The following CNTN4 variants were observed in gnomAD, a reference collection of about 807,000 sequenced individuals.
CNTN4 encodes contactin-4.
CNTN4 carries 77 observed loss-of-function variants against 122.5 expected under a neutral mutation model. The ratio of observed to expected loss-of-function variants is 0.63; its 90% CI spans 0.52 to 0.76. CNTN4 has a LOEUF of 0.76. CNTN4 is among the 30% of genes least tolerant of loss of function. The probability of loss-of-function intolerance (pLI) is 0.00; values close to 1 mark genes in which losing one functional copy is unlikely to be tolerated. For synonymous variants in CNTN4, 512 were observed against 447.0 expected (o/e 1.15, Z -1.83); for missense variants, 1,256 against 1,259.1 (o/e 1.00, Z 0.04).
chr3:2,399,945 G>A (rs566291654), intron 3 of CNTN4, among the ~76,000 whole-genome samples: 20 of 152,054 alleles, frequency 1.3e-4, no homozygotes, highest in Non-Finnish European at 2.6e-4. Flanking sequence ...ATCAATAAAT[G>A]TGAGTGATTT....
chr3:2,960,590 A>G (rs991694018), intron 13 of CNTN4, among the ~76,000 whole-genome samples: 1 of 152,234 alleles, frequency 6.6e-6, no homozygotes, highest in Non-Finnish European at 1.5e-5. Context: ...TGAGTTTCCT[A>G]GGATTCTGAG....
chr3:2,594,720 A>G (rs2080680599), intron 4 of CNTN4, among the ~76,000 whole-genome samples: 1 of 152,182 alleles, frequency 6.6e-6, no homozygotes, highest in African/African-American at 2.4e-5. Context: ...GCACTGGCCA[A>G]CAAAATGGAT....
chr3:2,943,025 A>G (rs1056193021), intron 13 of CNTN4, among the ~76,000 whole-genome samples: 98 of 152,296 alleles, frequency 6.4e-4, no homozygotes, highest in African/African-American at 2.3e-3. Context: ...AATTGCTGGC[A>G]AAGAATAGGG....
chr3:2,586,362 G>A (rs573466476), intron 4 of CNTN4, among the ~76,000 whole-genome samples: 1 of 152,226 alleles, frequency 6.6e-6, no homozygotes, highest in South Asian at 2.1e-4. Flanking sequence ...GCACAATATC[G>A]GCTCACTGCA....
At chr3:2,498,072 A>C (rs926406781) in intron 3 of CNTN4, among the ~76,000 whole-genome samples, 17 of 152,204 alleles carry the variant, frequency 1.1e-4, no homozygotes, top group African/African-American at 4.1e-4. Flanking sequence ...TTATATCATG[A>C]TATAATATAT....
At chr3:2,951,767 T>C (rs1194421905) in intron 13 of CNTN4, among the ~76,000 whole-genome samples, 3 of 152,316 alleles carry the variant, frequency 2.0e-5, no homozygotes, top group Admixed American at 2.0e-4. Context: ...AAATTCCTTT[T>C]TACAGGTGTC....
chr3:2,415,041 A>G (rs2047364297), intron 3 of CNTN4, among the ~76,000 whole-genome samples: 1 of 152,226 alleles, frequency 6.6e-6, no homozygotes, highest in Non-Finnish European at 1.5e-5. Context: ...ATACAAGTGT[A>G]GGTTTAATCA....
chr3:2,718,730 A>G lies in CNTN4; in HGVS notation c.56-17485A>G, dbSNP rs531166184. ...TTTCATTTTCACATTTATTTCTGTA[A>G]TTTCTCAAGTCCCTGAAATACCCTG... On this transcript the variant is annotated intron_variant, in intron 4 of 24. Transcript: ENST00000418658. 2.0e-5 allele frequency among the ~76,000 whole-genome samples: 3 copies of G among 152,192 alleles called. No homozygotes were observed. In the South Asian group the frequency reaches 6.2e-4, roughly 32 times the overall value.
At chr3:2,886,665 C>G (rs1030276773) in intron 9 of CNTN4, among the ~76,000 whole-genome samples, 1 of 151,536 alleles carries the variant, frequency 6.6e-6, no homozygotes, top group Non-Finnish European at 1.5e-5. Flanking sequence ...GCACCTGCCA[C>G]CATGCCCGGG....
At chr3:2,510,815 G>A (rs967997488) in intron 3 of CNTN4, among the ~76,000 whole-genome samples, 4 of 152,030 alleles carry the variant, frequency 2.6e-5, no homozygotes, top group African/African-American at 7.2e-5. Flanking sequence ...ACCCCTGACT[G>A]CATCACGATG....
At chr3:2,258,703 T>TG (rs1281382254) in intron 2 of CNTN4, among the ~76,000 whole-genome samples, 1 of 152,332 alleles carries the variant, frequency 6.6e-6, no homozygotes, top group East Asian at 1.9e-4. Flanking sequence ...AATTTATTTC[T>TG]GGGAACTCTA....
chr3:2,472,219 TTTG>T (rs751262935), intron 3 of CNTN4, among the ~76,000 whole-genome samples: 10 of 151,868 alleles, frequency 6.6e-5, no homozygotes, highest in South Asian at 2.1e-4. Context: ...GTGCTTTTCT[TTTG>T]TTGTTGTTGT....
At chr3:2,945,620 G>A (rs1311542408) in intron 13 of CNTN4, among the ~76,000 whole-genome samples, 1 of 152,096 alleles carries the variant, frequency 6.6e-6, no homozygotes, top group Admixed American at 6.5e-5. Flanking sequence ...GGAGGGAGGA[G>A]ACAGGAAGGA....
chr3:2,890,310 T>C (rs968587103), intron 10 of CNTN4, among the ~76,000 whole-genome samples: 1 of 152,238 alleles, frequency 6.6e-6, no homozygotes, highest in Non-Finnish European at 1.5e-5. Context: ...AGTGCTGTGT[T>C]CCTAATATCC....
intron 2 of CNTN4, among the ~76,000 whole-genome samples, chr3:2,120,374 A>AATATATATATATAT (rs1185851358): frequency 1.9e-4 from 11 of 59,070 alleles, no homozygotes; most frequent in South Asian, 5.5e-4. Context: ...TATATATATA[A>AATATATATATATAT]ATATATATAT....
intron 8 of CNTN4, among the ~76,000 whole-genome samples, chr3:2,882,109 T>A (rs1014760709): frequency 2.0e-5 from 3 of 152,204 alleles, no homozygotes; most frequent in African/African-American, 7.2e-5. Context: ...ATGCCTGTAA[T>A]GCCAGCAATT....
chr3:2,101,505 A>G (rs2031954811), intron 2 of CNTN4, among the ~76,000 whole-genome samples: 1 of 152,212 alleles, frequency 6.6e-6, no homozygotes, highest in African/African-American at 2.4e-5. Flanking sequence ...TTTTAGTTGA[A>G]TAAGTCTATT....
At chr3:2,132,585 A>G (rs1007590642) in intron 2 of CNTN4, 1 of 152,176 alleles carries the variant, frequency 6.6e-6, no homozygotes, top group African/African-American at 2.4e-5. Flanking sequence ...TGCCATTGTG[A>G]TGAGGATAGT....
intron 2 of CNTN4, among the ~76,000 whole-genome samples, chr3:2,291,613 G>A (rs1278942246): frequency 6.7e-6 from 1 of 149,328 alleles, no homozygotes; most frequent in Non-Finnish European, 1.5e-5. Context: ...AATTATTAAA[G>A]GATTAATTCA....
Sources: allele counts gnomAD v4.1 joint callset (sites outside exome capture counted in the v4.1 genomes callset), GRCh38; gene constraint gnomAD v4.1.1; transcripts MANE v1.5; gene names NCBI Gene and HGNC (gene_info 2026-07-23, HGNC 2026-07-21).